The following PLEC variants were observed in gnomAD, a reference collection of about 807,000 sequenced individuals.
PLEC encodes the protein plectin.
Under a neutral mutation model 392.8 loss-of-function variants are expected in PLEC, and 216 were observed. The ratio of observed to expected loss-of-function variants is 0.55; its 90% confidence interval spans 0.49 to 0.62. PLEC has a LOEUF of 0.62. PLEC is among the 20% of genes least tolerant of loss of function. PLEC has a pLI of 0.00. For missense variants in PLEC, 6,863 were observed against 6,563.4 expected, an observed-to-expected ratio of 1.05 and a Z score of -1.58; for synonymous variants, 3,621 against 2,980.6, an observed-to-expected ratio of 1.21 and a Z score of -7.00.
chr8:143,926,502 C>T (rs936311407), intron 30 of PLEC, among the ~76,000 whole-genome samples: 1 of 152,210 alleles, frequency 6.6e-6, no homozygotes, highest in Non-Finnish European at 1.5e-5. Context: ...AAGGAAGAGC[C>T]CACAGGACGG....
chr8:143,932,925 G>A lies in PLEC; in HGVS notation c.1605C>T (p.Asn535=). The change falls in exon 14 of 32, where the codon AAC becomes AAT. Residue 535 remains asparagine (N), a synonymous_variant. Coordinates refer to ENST00000345136, the MANE Select transcript of PLEC (RefSeq NM_201384.3). ...ACTCAGCGCCATCCACACGGTGCTG[G>A]TTCTCCTCCACCCAGGCCAGCAGGT... The part of the protein sequence containing the change: ...LQDLLAWVEE[N]QHRVDGAEWG... The A allele has an allele frequency of 6.2e-7, 1 of 1,612,684 alleles. No homozygotes were observed. Among genetic ancestry groups the A allele is most frequent in the Middle Eastern group, 1.6e-4 (1 of 6,062 alleles).
chr8:143,933,981 G>C lies in PLEC; in HGVS notation c.1263+17C>G. 1 of 1,591,914 alleles carries C rather than the reference G, an allele frequency of 6.3e-7. No homozygotes were observed. Among genetic ancestry groups the C allele is most frequent in the Non-Finnish European group, 8.5e-7 (1 of 1,170,856 alleles). Reference sequence around the variant, plus strand: ...CCGGCCTCCCTCCCGCCCACTGCCTGCCCCACACCCCCTCACCGACTGCAG... The same window carrying C: ...CCGGCCTCCCTCCCGCCCACTGCCTCCCCCACACCCCCTCACCGACTGCAG... On this transcript the variant is annotated intron_variant, in intron 12 of 31. Transcript: ENST00000345136.
At chr8:143,976,444 C>G (rs926419521), upstream of PLEC, among the ~76,000 whole-genome samples, 27 of 152,124 alleles carry the variant, frequency 1.8e-4, no homozygotes, top group Non-Finnish European at 3.2e-4. Flanking sequence ...CGGGCCGCCC[C>G]GGTTGCAGCC....
upstream of PLEC, chr8:143,953,766 G>T (rs782203464): frequency 2.2e-5 from 35 of 1,612,144 alleles, no homozygotes. Context: ...CTCGCGAGGG[G>T]TCCATGTCTG....
chr8:143,921,651 C>T lies in PLEC; in HGVS notation c.8170G>A (p.Gly2724Ser), dbSNP rs782189332. ...AALQRQLLSP[G>S]TALILLEAQA... is the part of the protein sequence containing the mutation. ...GCCTCCAGCAGGATGAGGGCCGTGCCGGGACTCAGCAGCTGCCTCTGCAGG... is the reference window on the plus strand; with the variant it reads ...GCCTCCAGCAGGATGAGGGCCGTGCTGGGACTCAGCAGCTGCCTCTGCAGG... The change falls in exon 32 of 32, where the codon GGC becomes AGC. Residue 2724 changes from glycine to serine, a missense_variant. Transcript: ENST00000345136. 4.1e-5 allele frequency: 66 copies of T among 1,612,902 alleles called. No homozygotes were observed. In the Admixed American group the frequency reaches 5.0e-4, roughly 12 times the overall value.
Position 143,925,460 on chromosome 8 carries a change from C to T in PLEC, c.4469G>A (p.Arg1490Gln), listed in dbSNP as rs371290504. ...GCGCTCGGCCTCCTCCTGCGCCTGT[C>T]GCTTTTGTGCCTCAGCCTCCTCCGC... is the stretch of plus-strand genomic sequence containing the variant. Reference protein sequence around the residue: ...ARAEEAEAQKRQAQEEAERLR... With the variant: ...ARAEEAEAQKQQAQEEAERLR... Residue 1490 changes from arginine (R) to glutamine (Q), a missense_variant, in exon 31 of 32, where the codon CGA becomes CAA. Physicochemically the swap from Arg to Gln is conservative, Grantham distance 43. Coordinates refer to ENST00000345136, the MANE Select transcript of PLEC (RefSeq NM_201384.3). 145 of 1,595,832 alleles carry T rather than the reference C, an allele frequency of 9.1e-5. No individual in the cohort carries two copies. The highest frequency in any genetic ancestry group is 8.3e-4 in the Middle Eastern group (5 of 6,034).
chr8:143,942,346 G>T (rs1830643180), upstream of PLEC: 2 of 1,595,100 alleles, frequency 1.3e-6, no homozygotes, highest in Non-Finnish European at 1.7e-6. Flanking sequence ...CTAGGTGAGA[G>T]CGATGGTGGC....
chr8:143,972,108 C>T (rs1833457831), intron 1 of PLEC, among the ~76,000 whole-genome samples: 1 of 152,240 alleles, frequency 6.6e-6, no homozygotes, highest in Non-Finnish European at 1.5e-5. Flanking sequence ...AGGAAACGAT[C>T]CTGCACAGTT....
chr8:143,972,864 G>A (rs1386615778), intron 1 of PLEC, among the ~76,000 whole-genome samples: 1 of 152,164 alleles, frequency 6.6e-6, no homozygotes, highest in Admixed American at 6.5e-5. Flanking sequence ...GAGGAAGGAG[G>A]GGCCACCCTG....
Position 143,929,957 on chromosome 8 carries a change from G to A in PLEC, c.2718C>T (p.Ile906=). The A allele has an allele frequency of 6.2e-7, 1 of 1,611,076 alleles. No individual in the cohort carries two copies. Among genetic ancestry groups the A allele is most frequent in the African/African-American group, 1.3e-5 (1 of 75,028 alleles). ...GTACCGTGGCCAGGGACCAGGAGCGGATGAGCTGCACGTCGCGGCGAAGGC... is the reference window on the plus strand; with the variant it reads ...GTACCGTGGCCAGGGACCAGGAGCGAATGAGCTGCACGTCGCGGCGAAGGC... ...WQSLRRDVQL[I]RSWSLATFRT... Residue 906 remains isoleucine (I), a synonymous_variant, in exon 22 of 32, where the codon ATC becomes ATT. Coordinates refer to ENST00000345136, the MANE Select transcript of PLEC (RefSeq NM_201384.3).
chr8:143,933,317 T>C lies in PLEC; in HGVS notation c.1298A>G (p.Gln433Arg), dbSNP rs1198767977. Residue 433 changes from glutamine to arginine, a missense_variant, in exon 13 of 32, where the codon CAG (glutamine) becomes CGG (arginine). Gln to Arg is a conservative substitution (Grantham distance 43, BLOSUM62 1). Coordinates refer to ENST00000345136, the MANE Select transcript of PLEC (RefSeq NM_201384.3). ...GTCCCGTTCCACCTCCCCCGCCCGC[T>C]GTGGCACTTTGCCTGCAGCCAGCAG... ...VRLLAAGKVP[Q>R]RAGEVERDLD... is the part of the protein sequence containing the mutation. 1 of 1,612,680 alleles carries C rather than the reference T, an allele frequency of 6.2e-7. No homozygotes were observed. Among genetic ancestry groups the C allele is most frequent in the Non-Finnish European group, 8.5e-7 (1 of 1,179,964 alleles).
Position 143,922,163 on chromosome 8 carries a change from T to G in PLEC, c.7658A>C (p.Glu2553Ala). 6.5e-7 allele frequency: 1 copy of G among 1,541,504 alleles called. No homozygotes were observed. The highest frequency in any genetic ancestry group is 8.7e-7 in the Non-Finnish European group (1 of 1,148,622). The stretch of plus-strand genomic sequence containing the variant: ...CTCATGCTGCCGCCGCCGCGCCTCC[T>G]CCATGCTGGCCACCAGCCGCTGCCG... ...QERQRLVASM[E>A]EARRRQHEAE... The change falls in exon 32 of 32, where the codon GAG (glutamate) becomes GCG (alanine). Residue 2553 changes from glutamate to alanine, a missense_variant. Physicochemically the swap from Glu to Ala is moderately radical, Grantham distance 107. Transcript: ENST00000345136.
At chr8:143,922,461 A>T (rs782561834) in intron 31 of PLEC, 43 bp downstream of exon 31, 12 of 1,601,464 alleles carry the variant, frequency 7.5e-6, no homozygotes, top group Non-Finnish European at 1.0e-5. Flanking sequence ...ACCAAAGCAG[A>T]TCCCCGGGCC....
upstream of PLEC, among the ~76,000 whole-genome samples, chr8:143,955,418 T>G (rs782679592): frequency 6.6e-6 from 1 of 152,136 alleles, no homozygotes; most frequent in African/African-American, 2.4e-5. Flanking sequence ...GAGGCTGAGG[T>G]TGCAGTGAGC....
chr8:143,920,765 G>A lies in PLEC; in HGVS notation c.9056C>T (p.Ala3019Val), dbSNP rs782474081. ...DVAEVDTVRR[A>V]LRGANVIAGV... ...CGCGATGACGTTGGCACCCCGGAGA[G>A]CCCGCCGCACAGTGTCCACCTCGGC... Residue 3019 changes from alanine to valine, a missense_variant, in exon 32 of 32, where the codon GCT (alanine) becomes GTT (valine). Ala to Val is a moderately conservative substitution (Grantham distance 64). Coordinates refer to ENST00000345136, the MANE Select transcript of PLEC (RefSeq NM_201384.3). 2 of 1,605,986 alleles carry A rather than the reference G, an allele frequency of 1.2e-6. No individual in the cohort carries two copies. Among genetic ancestry groups the A allele is most frequent in the Non-Finnish European group, 1.7e-6 (2 of 1,179,926 alleles).
chr8:143,964,109 G>A (rs868929760), intron 1 of PLEC, among the ~76,000 whole-genome samples: 15 of 152,078 alleles, frequency 9.9e-5, no homozygotes, highest in Admixed American at 7.2e-4. Flanking sequence ...CTGGCTAAGC[G>A]GATGGAATTT....
At chr8:143,966,180 A>G (rs1554742167) in intron 1 of PLEC, among the ~76,000 whole-genome samples, 1 of 151,952 alleles carries the variant, frequency 6.6e-6, no homozygotes, top group African/African-American at 2.4e-5. Flanking sequence ...CTGCTTCCTC[A>G]CGCCCCTTCC....
rs1821748611 is a variant in PLEC at position 143,919,401 on chromosome 8, T to C, written c.10420A>G (p.Ile3474Val). ...LLEAQIATGG[I>V]IDPVHSHRVP... ...CGGTGGCTGTGCACGGGGTCGATGA[T>C]GCCGCCCGTGGCGATCTGGGCCTCC... Residue 3474 changes from isoleucine (I) to valine (V), a missense_variant, in exon 32 of 32, where the codon ATC becomes GTC. Ile to Val is a conservative substitution (Grantham distance 29). Coordinates refer to ENST00000345136, the MANE Select transcript of PLEC (RefSeq NM_201384.3). 15 of 1,613,464 alleles carry C rather than the reference T, an allele frequency of 9.3e-6. No homozygotes were observed. The highest frequency in any genetic ancestry group is 4.5e-5 in the East Asian group (2 of 44,860).
upstream of PLEC, chr8:143,943,696 G>A: frequency 3.1e-6 from 4 of 1,290,234 alleles, no homozygotes; most frequent in African/African-American, 1.5e-5. Flanking sequence ...ACAGGAAGGG[G>A]AGGGCGCAGG....
Sources: gnomAD v4.1 joint callset for allele counts (sites outside exome capture counted in the v4.1 genomes callset) on GRCh38, gnomAD v4.1.1 for gene constraint, MANE v1.5 for transcripts, NCBI Gene and HGNC (gene_info 2026-07-23, HGNC 2026-07-21) for gene names.